The following ZER1 variants were observed in gnomAD, a reference collection of about 807,000 sequenced individuals.
The protein encoded by ZER1 is zyg-11 related cell cycle regulator.
Under a neutral mutation model 78.8 loss-of-function variants are expected in ZER1, and 11 were observed. The observed-to-expected ratio is 0.14, with a 90% CI of 0.09 to 0.23. ZER1 has a LOEUF of 0.23. Ranked by LOEUF, ZER1 falls within the 10% of genes least tolerant of loss-of-function variation. The pLI is 1.00. For missense variants in ZER1, 588 were observed against 996.9 expected (o/e 0.59, Z 5.52); for synonymous variants, 400 against 407.0 (o/e 0.98, Z 0.21).
rs989107068 is a variant in ZER1 at position 128,731,095 on chromosome 9, T to C, written c.*242A>G. ...CTGCAAGGACTCAGGAGTGTTGCTT[T>C]TGTTTTTGCACAGAAATCATACACA... On this transcript the variant is annotated 3_prime_UTR_variant, in exon 16 of 16. Coordinates refer to ENST00000291900, the MANE Select transcript of ZER1 (RefSeq NM_006336.4). 5.2e-6 allele frequency: 1 copy of C among 193,554 alleles called. No individual in the cohort carries two copies. The highest frequency in any genetic ancestry group is 5.9e-5 in the Admixed American group (1 of 16,832). The allele number at this position is 193,554 out of a possible 1,614,324, so 12.0% of individuals were successfully genotyped here.
chr9:128,733,370 T>C, intron 15 of ZER1, 56 bp downstream of exon 15: 11 of 1,527,448 alleles, frequency 7.2e-6, no homozygotes, highest in South Asian at 3.5e-5. Context: ...GCGCCCGCTA[T>C]GCCCTTACTC....
At chr9:128,738,920 C>T (rs147046947) in intron 13 of ZER1, among the ~76,000 whole-genome samples, 7 of 146,588 alleles carry the variant, frequency 4.8e-5, no homozygotes, top group African/African-American at 1.3e-4. Context: ...GGCGCCATCT[C>T]GGTTCACTGC....
Position 128,751,149 on chromosome 9 carries a change from A to G in ZER1, c.1158T>C (p.Arg386=). 1 of 1,600,648 alleles carries G rather than the reference A, an allele frequency of 6.2e-7. No homozygotes were observed. Among genetic ancestry groups the G allele is most frequent in the Non-Finnish European group, 8.5e-7 (1 of 1,170,724 alleles). ...TCAGGGCCCGCAGCAGCTGGTTGCAACGCTCGATGCGGGCGATGTCAAAAA... is the reference window on the plus strand; with the variant it reads ...TCAGGGCCCGCAGCAGCTGGTTGCAGCGCTCGATGCGGGCGATGTCAAAAA... ...NLLFDIARIE[R]CNQLLRALKL... is the part of the protein sequence containing the mutation. Residue 386 remains arginine (R), a synonymous_variant, in exon 7 of 16, where the codon CGT becomes CGC. Coordinates refer to ENST00000291900, the MANE Select transcript of ZER1 (RefSeq NM_006336.4). This position sits in a 1 kb window ranked among gnomAD's most constrained non-coding sequence, Gnocchi z 5.4.
rs111851383 is a variant in ZER1, at chr9:128,740,579, CAAAA to C, written c.1853+189_1853+192del. 1.9e-5 allele frequency among the ~76,000 whole-genome samples: 2 copies of C among 103,886 alleles called. No homozygotes were observed. The highest frequency in any genetic ancestry group is 1.1e-4 in the Admixed American group (1 of 9,126). The allele number at this position is 103,886 out of a possible 152,430, so 68.2% of individuals were successfully genotyped here. ...TGGGTGACAGAGCAAGACTCCATCT[CAAAA>C]AAAAAAAAAAAGATATAATTACAAA... is the stretch of plus-strand genomic sequence containing the variant. On this transcript the variant is annotated intron_variant, in intron 12 of 15. Transcript: ENST00000291900. The surrounding 1 kb of genome is among the most constrained non-coding windows in gnomAD (Gnocchi z 4.4).
At chr9:128,762,204 G>A (rs1183379959) in intron 1 of ZER1, among the ~76,000 whole-genome samples, 1 of 152,002 alleles carries the variant, frequency 6.6e-6, no homozygotes, top group South Asian at 2.1e-4. Flanking sequence ...GCCCAGGGAA[G>A]CTAAAAGATT....
rs2298040 is a variant in ZER1, at chr9:128,755,694, A to G, written c.-94-35T>C. On this transcript the variant is annotated intron_variant, in intron 1 of 15. Transcript: ENST00000291900. This position sits in a 1 kb window ranked among gnomAD's most constrained non-coding sequence, Gnocchi z 5.6. ...GGACAAGATGCCAAGTGAGCCACACACAAGGGCTAGAACTATCAGTGGTCC... is the reference window on the plus strand; with the variant it reads ...GGACAAGATGCCAAGTGAGCCACACGCAAGGGCTAGAACTATCAGTGGTCC... The G allele has an allele frequency of 2.9e-3, 3,541 of 1,231,416 alleles. 28 individuals are homozygous for G. The highest frequency in any genetic ancestry group is 0.022 in the African/African-American group (1,478 of 66,910). The allele number at this position is 1,231,416 out of a possible 1,614,324, so 76.3% of individuals were successfully genotyped here. A position where few individuals can be genotyped will look rare whatever the true frequency, so the allele number is the denominator to read the frequency against.
intron 13 of ZER1, among the ~76,000 whole-genome samples, chr9:128,735,708 G>T (rs952370829): frequency 3.5e-5 from 5 of 142,060 alleles, no homozygotes; most frequent in African/African-American, 1.3e-4. Context: ...CAGAGACCCA[G>T]CCTGTGGGGA....
intron 13 of ZER1, 137 bp from the exon 14 acceptor site, chr9:128,735,568 G>A: frequency 1.2e-6 from 1 of 803,542 alleles, no homozygotes; most frequent in African/African-American, 1.7e-5. Context: ...AGAAGGGACA[G>A]CTGGCCCTGC....
At position 128,753,577 on chromosome 9, in the gene ZER1, A is replaced by G. The variant is rs1166164076; in HGVS notation, c.333T>C (p.Thr111=). The G allele has an allele frequency of 1.9e-6, 3 of 1,613,612 alleles. No individual in the cohort carries two copies. The highest frequency in any genetic ancestry group is 2.2e-5 in the East Asian group (1 of 44,894). ...TCTTGGCGGACAGCTTCTCGCAGTT[A>G]GTCAGGTACAGCTCCACCAGGTCCT... is the stretch of plus-strand genomic sequence containing the variant. ...RKQDLVELYL[T]NCEKLSAKSL... Residue 111 remains threonine, a synonymous_variant, in exon 4 of 16, where the codon ACT becomes ACC. Transcript: ENST00000291900. This position sits in a 1 kb window ranked among gnomAD's most constrained non-coding sequence, Gnocchi z 7.5.
intron 1 of ZER1, among the ~76,000 whole-genome samples, chr9:128,761,417 C>T (rs1864041302): frequency 1.3e-5 from 2 of 151,058 alleles, no homozygotes; most frequent in Admixed American, 6.6e-5. Context: ...TTCCTGAGTA[C>T]CTGGGACTAC....
intron 1 of ZER1, among the ~76,000 whole-genome samples, chr9:128,767,447 T>C (rs1231207707): frequency 6.6e-6 from 1 of 151,954 alleles, no homozygotes; most frequent in Non-Finnish European, 1.5e-5. Context: ...GGGCTCACCA[T>C]GTTGCCCAGG....
Position 128,754,480 on chromosome 9 carries a change from C to A in ZER1, c.159-521G>T, listed in dbSNP as rs184614914. ...TTGGCTTGGCTGCTTCCTACCTGGG[C>A]AACTTCACACAAGTAAATGAACTTT... On this transcript the variant is annotated intron_variant, in intron 2 of 15. Coordinates refer to ENST00000291900, the MANE Select transcript of ZER1 (RefSeq NM_006336.4). This position sits in a 1 kb window ranked among gnomAD's most constrained non-coding sequence, Gnocchi z 4.3. 2.1e-4 allele frequency among the ~76,000 whole-genome samples: 32 copies of A among 152,278 alleles called. No individual in the cohort carries two copies. The highest frequency in any genetic ancestry group is 7.5e-4 in the African/African-American group (31 of 41,564).
Position 128,735,385 on chromosome 9 carries a change from C to T in ZER1, c.2089G>A (p.Val697Ile), listed in dbSNP as rs1161932509. Residue 697 changes from valine (V) to isoleucine (I), a missense_variant, in exon 14 of 16, where the codon GTC (valine) becomes ATC (isoleucine). By Grantham distance (29) the Val-to-Ile change is conservative. This residue lies in a region of ZER1 where 122 missense variants were observed against 173.5 expected (regional missense o/e 0.70). Coordinates refer to ENST00000291900, the MANE Select transcript of ZER1 (RefSeq NM_006336.4). ...LRLLPQGISPVSQHWATWALY... is the reference protein window; with the variant it reads ...LRLLPQGISPISQHWATWALY... ...GCCCAGGTTGCCCAGTGCTGGCTGA[C>T]AGGAGAGATTCCCTGGGGAAGGAGG... 3 of 1,614,090 alleles carry T rather than the reference C, an allele frequency of 1.9e-6. No homozygotes were observed. The highest frequency in any genetic ancestry group is 2.2e-5 in the South Asian group (2 of 91,076).
Position 128,753,271 on chromosome 9 carries a change from G to T in ZER1, c.639C>A (p.Asp213Glu), listed in dbSNP as rs371722260. The change falls in exon 4 of 16, where the codon GAC becomes GAA. Residue 213 changes from aspartate (D) to glutamate (E), a missense_variant. By Grantham distance (45) the Asp-to-Glu change is conservative. Around this residue, in one of 3 missense-constraint regions of ZER1, gnomAD observed 406 missense variants for 660.1 expected, o/e 0.62. Coordinates refer to ENST00000291900, the MANE Select transcript of ZER1 (RefSeq NM_006336.4). The surrounding 1 kb of genome is among the most constrained non-coding windows in gnomAD (Gnocchi z 7.5). ...ALDLSGIQTS[D>E]AAFLTQWKDS... Reference sequence around the variant, plus strand: ...CTTTCCACTGGGTGAGGAAGGCGGCGTCGCTCGTCTGAATGCCTGAGAGGT... The same window carrying T: ...CTTTCCACTGGGTGAGGAAGGCGGCTTCGCTCGTCTGAATGCCTGAGAGGT... 3 of 1,605,006 alleles carry T rather than the reference G, an allele frequency of 1.9e-6. No homozygotes were observed. The highest frequency in any genetic ancestry group is 2.2e-5 in the South Asian group (2 of 89,680).
chr9:128,770,827 G>A (rs907502304), intron 1 of ZER1, among the ~76,000 whole-genome samples: 1 of 152,060 alleles, frequency 6.6e-6, no homozygotes, highest in Non-Finnish European at 1.5e-5. Flanking sequence ...ATCATATATG[G>A]AAGGATTTTC....
At chr9:128,765,377 A>G (rs1337582236) in intron 1 of ZER1, among the ~76,000 whole-genome samples, 1 of 152,214 alleles carries the variant, frequency 6.6e-6, no homozygotes, top group African/African-American at 2.4e-5. Flanking sequence ...CAAGATAGAG[A>G]TTATTACCCC....
rs1424842108 is a variant in ZER1, at chr9:128,741,531, C to G, written c.1737+4G>C. 1.9e-6 allele frequency: 3 copies of G among 1,614,082 alleles called. No individual in the cohort carries two copies. The highest frequency in any genetic ancestry group is 2.5e-6 in the Non-Finnish European group (3 of 1,179,948). ...CAGCTGCTGCTGCAGGAGGTGGACA[C>G]TACCTTCAGGCAGTCCAGGAAGAGC... On this transcript the variant is annotated splice_donor_region_variant and intron_variant, in intron 11 of 15. Transcript: ENST00000291900.
At chr9:128,767,992 C>T (rs138118262) in intron 1 of ZER1, among the ~76,000 whole-genome samples, 6 of 152,310 alleles carry the variant, frequency 3.9e-5, no homozygotes, top group Middle Eastern at 3.4e-3. Context: ...CAGCATGTTG[C>T]GAGTGGCACA....
chr9:128,733,616 T>C (rs1196172570), intron 14 of ZER1, 88 bp from the exon 15 acceptor site: 2 of 1,232,576 alleles, frequency 1.6e-6, no homozygotes, highest in Non-Finnish European at 1.2e-6. Context: ...GTGAGGACTA[T>C]CCTGGTGTCG....
Sources: gnomAD v4.1 joint callset for allele counts (sites outside exome capture counted in the v4.1 genomes callset) on GRCh38, gnomAD v4.1.1 for gene constraint, gnomAD v4.1.1 regional missense constraint, Gnocchi (gnomAD v3.1) non-coding constraint, MANE v1.5 for transcripts, NCBI Gene and HGNC (gene_info 2026-07-23, HGNC 2026-07-21) for gene names.